Variants in DLG2 observed in about 807,000 individuals in gnomAD.
The protein encoded by DLG2 is discs large MAGUK scaffold protein 2.
Under a neutral mutation model 132.5 loss-of-function variants are expected in DLG2, and 45 were observed. The observed-to-expected ratio is 0.34, with a 90% CI of 0.27 to 0.44. DLG2 has a LOEUF of 0.44. DLG2 is among the 20% of genes least tolerant of loss of function. The pLI, the probability that DLG2 is intolerant of heterozygous loss-of-function variation, is 1.00. For missense variants in DLG2, 1,045 were observed against 1,196.9 expected, an observed-to-expected ratio of 0.87 and a Z score of 1.87; for synonymous variants, 424 against 419.6, an observed-to-expected ratio of 1.01 and a Z score of -0.13.
intron 6 of DLG2, among the ~76,000 whole-genome samples, chr11:84,568,295 G>T (rs1592563252): frequency 6.6e-6 from 1 of 152,120 alleles, no homozygotes; most frequent in South Asian, 2.1e-4. Flanking sequence ...GATCACTTGA[G>T]GACAGGAGTT....
chr11:85,341,787 G>A (rs1163379235), intron 3 of DLG2, among the ~76,000 whole-genome samples: 1 of 152,128 alleles, frequency 6.6e-6, no homozygotes, highest in Non-Finnish European at 1.5e-5. Flanking sequence ...ACAAGCCTAG[G>A]TGATAAGGCC....
At chr11:83,983,123 G>T (rs1186291371) in intron 11 of DLG2, among the ~76,000 whole-genome samples, 1 of 152,006 alleles carries the variant, frequency 6.6e-6, no homozygotes, top group Non-Finnish European at 1.5e-5. Context: ...AAGTTATTAT[G>T]AGATCATTTT....
intron 6 of DLG2, among the ~76,000 whole-genome samples, chr11:84,928,557 CT>C (rs1032987360): frequency 1.3e-5 from 2 of 151,860 alleles, no homozygotes; most frequent in Non-Finnish European, 2.9e-5. Context: ...GCTATCATTC[CT>C]TTTGACTGGC....
intron 7 of DLG2, among the ~76,000 whole-genome samples, chr11:84,359,943 T>C (rs1322073890): frequency 1.3e-5 from 2 of 151,914 alleles, no homozygotes; most frequent in East Asian, 3.9e-4. Flanking sequence ...GATGAGTTAA[T>C]TCTTAAGACT....
intron 3 of DLG2, among the ~76,000 whole-genome samples, chr11:85,426,298 G>GC (rs1472568360): frequency 2.8e-4 from 42 of 152,286 alleles, no homozygotes; most frequent in African/African-American, 8.9e-4. Flanking sequence ...CCAGCACGCA[G>GC]TTGGACATCT....
chr11:85,569,515 T>A (rs985154112), intron 3 of DLG2, among the ~76,000 whole-genome samples: 2 of 152,236 alleles, frequency 1.3e-5, no homozygotes, highest in African/African-American at 2.4e-5. Context: ...TTCAACATAT[T>A]TGTGATTTTT....
intron 7 of DLG2, among the ~76,000 whole-genome samples, chr11:84,436,443 C>G (rs2099000995): frequency 1.3e-5 from 2 of 152,166 alleles, no homozygotes; most frequent in Admixed American, 1.3e-4. Context: ...AGAGCCATCT[C>G]TGGGTCAATC....
intron 6 of DLG2, among the ~76,000 whole-genome samples, chr11:85,103,355 A>C (rs2071186487): frequency 6.6e-6 from 1 of 151,980 alleles, no homozygotes; most frequent in African/African-American, 2.4e-5. Flanking sequence ...TTTCCAACTT[A>C]CTACAAAGCT....
At chr11:83,741,478 T>C (rs552697021) in intron 18 of DLG2, among the ~76,000 whole-genome samples, 5 of 152,160 alleles carry the variant, frequency 3.3e-5, no homozygotes. Flanking sequence ...AAATTAATAT[T>C]AAAAAATCTG....
rs11604088 is a variant in DLG2, at chr11:84,140,738, G to T, written c.624+22723C>A. On this transcript the variant is annotated intron_variant, in intron 9 of 27. Transcript: ENST00000376104. ...CTGTTTTCATCTTTCTCTCTCAGCT[G>T]CTTTCAGGCTTTCAATATTTACCTT... Among the ~76,000 whole-genome samples, 1,371 of 152,166 alleles carry T rather than the reference G, an allele frequency of 9.0e-3. 12 individuals carry two copies. Among genetic ancestry groups the T allele is most frequent in the Non-Finnish European group, 0.015 (1,006 of 67,976 alleles).
intron 7 of DLG2, among the ~76,000 whole-genome samples, chr11:84,386,063 A>G (rs1276167634): frequency 6.6e-6 from 1 of 152,028 alleles, no homozygotes; most frequent in Non-Finnish European, 1.5e-5. Flanking sequence ...GATTTTTTAC[A>G]TCTATTTTTA....
At chr11:83,745,257 C>A (rs1249266832) in intron 18 of DLG2, among the ~76,000 whole-genome samples, 1 of 152,144 alleles carries the variant, frequency 6.6e-6, no homozygotes, top group Non-Finnish European at 1.5e-5. Flanking sequence ...CTTTATACAG[C>A]AAGAAGTGGC....
At chr11:85,456,616 T>G (rs1175435596) in intron 3 of DLG2, among the ~76,000 whole-genome samples, 1 of 152,198 alleles carries the variant, frequency 6.6e-6, no homozygotes, top group Admixed American at 6.5e-5. Context: ...TGCTATAAAC[T>G]TCCCTCTTAA....
intron 7 of DLG2, among the ~76,000 whole-genome samples, chr11:84,385,678 C>T (rs186077037): frequency 6.6e-6 from 1 of 152,184 alleles, no homozygotes; most frequent in Non-Finnish European, 1.5e-5. Flanking sequence ...TCATAATAGA[C>T]ATTTGAGTGA....
intron 21 of DLG2, among the ~76,000 whole-genome samples, chr11:83,532,340 A>G (rs990020517): frequency 1.3e-5 from 2 of 152,122 alleles, no homozygotes; most frequent in Non-Finnish European, 2.9e-5. Flanking sequence ...CAGACTAGAT[A>G]TATTTTCTGA....
intron 9 of DLG2, among the ~76,000 whole-genome samples, chr11:84,129,945 T>A (rs1437526522): frequency 6.6e-6 from 1 of 152,012 alleles, no homozygotes; most frequent in Non-Finnish European, 1.5e-5. Flanking sequence ...AATATATAAA[T>A]CCTATATTAA....
At chr11:83,659,045 T>A (rs2073532215) in intron 18 of DLG2, among the ~76,000 whole-genome samples, 1 of 152,226 alleles carries the variant, frequency 6.6e-6, no homozygotes, top group African/African-American at 2.4e-5. Flanking sequence ...TTGCCTTGGC[T>A]GCCCATAATA....
At chr11:84,947,754 T>C (rs1017857752) in intron 6 of DLG2, among the ~76,000 whole-genome samples, 2 of 152,242 alleles carry the variant, frequency 1.3e-5, no homozygotes, top group South Asian at 4.1e-4. Context: ...GGATAAGCAT[T>C]ATTCTCAATT....
intron 6 of DLG2, among the ~76,000 whole-genome samples, chr11:84,781,123 CT>C (rs2071698130): frequency 1.3e-5 from 2 of 149,364 alleles, no homozygotes; most frequent in Non-Finnish European, 3.0e-5. Flanking sequence ...AAGTTTGGAA[CT>C]ACCAAATGTG....
Sources: gnomAD v4.1 joint callset for allele counts (sites outside exome capture counted in the v4.1 genomes callset) on GRCh38, gnomAD v4.1.1 for gene constraint, MANE v1.5 for transcripts, NCBI Gene and HGNC (gene_info 2026-07-23, HGNC 2026-07-21) for gene names.